The following HSD11B1 variants were observed in gnomAD, a reference collection of about 807,000 sequenced individuals.
HSD11B1 encodes hydroxysteroid 11-beta dehydrogenase 1.
A neutral mutation model predicts 22.1 loss-of-function variants in HSD11B1; 15 were observed. The observed-to-expected ratio is 0.68, with a 90% CI of 0.45 to 1.04. HSD11B1 has a LOEUF of 1.04. Among genes scored for constraint, HSD11B1 ranks in the 50% least tolerant of loss-of-function variants. The pLI, the probability that HSD11B1 is intolerant of heterozygous loss-of-function variation, is 0.00. For synonymous variants in HSD11B1, 122 were observed against 125.2 expected, an observed-to-expected ratio of 0.97 and a Z score of 0.17; for missense variants, 281 against 357.6, an observed-to-expected ratio of 0.79 and a Z score of 1.73.
rs1055894461 is a variant in HSD11B1, at chr1:209,734,509, C to T, written c.867C>T (p.Phe289=). Residue 289 remains phenylalanine, a synonymous_variant, in exon 6 of 6, where the codon TTC becomes TTT. Coordinates refer to ENST00000367027, the MANE Select transcript of HSD11B1 (RefSeq NM_005525.4). ...LYSTSYNMDR[F]INK Reference sequence around the variant, plus strand: ...CAACGAGCTATAATATGGACAGATTCATAAACAAGTAGGAACTCCCTGAGG... The same window carrying T: ...CAACGAGCTATAATATGGACAGATTTATAAACAAGTAGGAACTCCCTGAGG... 1.2e-6 allele frequency: 2 copies of T among 1,612,888 alleles called. No individual in the cohort carries two copies. Among genetic ancestry groups the T allele is most frequent in the African/African-American group, 2.7e-5 (2 of 75,010 alleles).
intron 1 of HSD11B1, among the ~76,000 whole-genome samples, chr1:209,695,192 C>T (rs2076783283): frequency 6.6e-6 from 1 of 152,194 alleles, no homozygotes; most frequent in Non-Finnish European, 1.5e-5. Flanking sequence ...CTGAAGCCTC[C>T]CTGGCCATGC....
chr1:209,716,006 T>G (rs2076927557), intron 4 of HSD11B1, among the ~76,000 whole-genome samples: 1 of 152,172 alleles, frequency 6.6e-6, no homozygotes, highest in South Asian at 2.1e-4. Context: ...CTGGAAACCT[T>G]TCCTCTAATA....
At chr1:209,722,445 T>C (rs1186239084) in intron 4 of HSD11B1, among the ~76,000 whole-genome samples, 1 of 152,228 alleles carries the variant, frequency 6.6e-6, no homozygotes, top group East Asian at 1.9e-4. Context: ...GATTTTTCTA[T>C]CCTGAACCCT....
At chr1:209,724,123 G>T (rs568718801) in intron 4 of HSD11B1, 1 of 152,450 alleles carries the variant, frequency 6.6e-6, no homozygotes, top group South Asian at 2.1e-4. Context: ...TGAGCAGAGT[G>T]TGGGCTGGAT....
At chr1:209,692,327 C>T (rs1194921170) in intron 1 of HSD11B1, among the ~76,000 whole-genome samples, 1 of 151,990 alleles carries the variant, frequency 6.6e-6, no homozygotes. Flanking sequence ...AGGTTTTAAT[C>T]GGGACTATTG....
upstream of HSD11B1, among the ~76,000 whole-genome samples, chr1:209,701,802 A>G (rs2076828373): frequency 1.3e-5 from 2 of 152,140 alleles, no homozygotes; most frequent in South Asian, 4.1e-4. Flanking sequence ...GCCATCTCCT[A>G]TCAGTCTCCC....
chr1:209,728,392 A>G (rs1391648925), intron 4 of HSD11B1, among the ~76,000 whole-genome samples: 1 of 152,188 alleles, frequency 6.6e-6, no homozygotes, highest in Admixed American at 6.5e-5. Context: ...AATGCTTTCT[A>G]TGTGCCAGAG....
intron 4 of HSD11B1, among the ~76,000 whole-genome samples, chr1:209,722,755 C>G (rs1403833638): frequency 6.6e-6 from 1 of 152,194 alleles, no homozygotes; most frequent in East Asian, 1.9e-4. Context: ...CAAATTTGGG[C>G]TCATTCATTT....
upstream of HSD11B1, among the ~76,000 whole-genome samples, chr1:209,701,857 C>T (rs1223349413): frequency 1.3e-5 from 2 of 152,134 alleles, no homozygotes; most frequent in Non-Finnish European, 2.9e-5. Context: ...TTCATTCAGC[C>T]CCTATGTTCT....
chr1:209,689,343 A>G (rs150129105), intron 1 of HSD11B1, among the ~76,000 whole-genome samples: 282 of 152,312 alleles, frequency 1.9e-3, no homozygotes, highest in African/African-American at 6.3e-3. Flanking sequence ...GGTTCCTCCA[A>G]TGAAACCGCC....
intron 4 of HSD11B1, among the ~76,000 whole-genome samples, chr1:209,723,392 A>G (rs886830428): frequency 5.4e-4 from 82 of 152,180 alleles, no homozygotes; most frequent in African/African-American, 1.9e-3. Context: ...AAAAACTGGC[A>G]GTCTAACAAG....
intron 4 of HSD11B1, among the ~76,000 whole-genome samples, chr1:209,730,263 TG>T (rs2077027514): frequency 6.6e-6 from 1 of 152,236 alleles, no homozygotes; most frequent in South Asian, 2.1e-4. Context: ...TGGACTTACA[TG>T]ACGTCTTCAA....
At position 209,716,643 on chromosome 1, in the gene HSD11B1, C is replaced by T. The variant is rs1007929627; in HGVS notation, c.517+9515C>T. ...AAAAAGAACAAAACTGCAAGTAATACATTACCTGACTTGAAAATATATTAA... is the reference window on the plus strand; with the variant it reads ...AAAAAGAACAAAACTGCAAGTAATATATTACCTGACTTGAAAATATATTAA... On this transcript the variant is annotated intron_variant, in intron 4 of 5. Coordinates refer to ENST00000367027, the MANE Select transcript of HSD11B1 (RefSeq NM_005525.4). 4.6e-5 allele frequency among the ~76,000 whole-genome samples: 7 copies of T among 151,520 alleles called. No homozygotes were observed. In the South Asian group the frequency reaches 1.2e-3, roughly 27 times the overall value.
At position 209,730,838 on chromosome 1, in the gene HSD11B1, A is replaced by C. The variant is rs111893043; in HGVS notation, c.518-1598A>C. 7.3e-3 allele frequency among the ~76,000 whole-genome samples: 1,107 copies of C among 152,332 alleles called. 16 individuals carry two copies. The highest frequency in any genetic ancestry group is 0.026 in the African/African-American group (1,062 of 41,572). ...CTGCAAGAGTGGCACCCGAAAGACC[A>C]TCCTTCCCCAGATTACAACTATAAG... On this transcript the variant is annotated intron_variant, in intron 4 of 5. Transcript: ENST00000367027.
chr1:209,709,696 A>C (rs563383194), intron 4 of HSD11B1, among the ~76,000 whole-genome samples: 1 of 152,270 alleles, frequency 6.6e-6, no homozygotes, highest in Admixed American at 6.5e-5. Flanking sequence ...TCTGAATTCT[A>C]ACTCAAGAAA....
chr1:209,711,007 G>A (rs1345258010), intron 4 of HSD11B1, among the ~76,000 whole-genome samples: 1 of 152,138 alleles, frequency 6.6e-6, no homozygotes, highest in Non-Finnish European at 1.5e-5. Flanking sequence ...GACTAGCCGG[G>A]GGCAAACATT....
chr1:209,718,895 C>T (rs2076946802), intron 4 of HSD11B1, among the ~76,000 whole-genome samples: 1 of 151,664 alleles, frequency 6.6e-6, no homozygotes, highest in South Asian at 2.1e-4. Context: ...TGGCAGGTGC[C>T]TGTAATCCCA....
At chr1:209,697,583 C>A (rs79711593) in intron 1 of HSD11B1, among the ~76,000 whole-genome samples, 4,312 of 152,178 alleles carry the variant, frequency 0.028, 78 homozygotes, top group East Asian at 0.036. Flanking sequence ...AGTACCTGAC[C>A]AACAGTAAAT....
intron 4 of HSD11B1, among the ~76,000 whole-genome samples, chr1:209,724,278 T>C (rs1374310363): frequency 6.6e-6 from 1 of 152,256 alleles, no homozygotes; most frequent in African/African-American, 2.4e-5. Context: ...ACGAGCTCTC[T>C]GAGGTCTCTT....
Sources: allele counts gnomAD v4.1 joint callset (sites outside exome capture counted in the v4.1 genomes callset), GRCh38; gene constraint gnomAD v4.1.1; transcripts MANE v1.5; gene names NCBI Gene and HGNC (gene_info 2026-07-23, HGNC 2026-07-21).